PAN3: variants seen among roughly 807,000 people sequenced by gnomAD.
PAN3 encodes the protein PAN2-PAN3 deadenylation complex subunit PAN3.
A neutral mutation model predicts 96.2 loss-of-function variants in PAN3; 19 were observed. The observed-to-expected ratio is 0.20, with a 90% confidence interval of 0.14 to 0.29. The LOEUF (loss-of-function observed/expected upper bound fraction) is 0.29, where lower values mean the gene tolerates loss of function less well. Ranked by LOEUF, PAN3 falls within the 10% of genes least tolerant of loss-of-function variation. The probability of loss-of-function intolerance (pLI) is 1.00; values close to 1 mark genes in which losing one functional copy is unlikely to be tolerated. For synonymous variants in PAN3, 433 were observed against 406.6 expected, an observed-to-expected ratio of 1.06 and a Z score of -0.78; for missense variants, 882 against 1,108.1, an observed-to-expected ratio of 0.80 and a Z score of 2.90.
At position 28,138,618 on chromosome 13, in the gene PAN3, C is replaced by T; in HGVS notation, c.-40C>T. The T allele has an allele frequency of 2.0e-6, 1 of 495,172 alleles. No homozygotes were observed. Among genetic ancestry groups the T allele is most frequent in the South Asian group, 3.7e-5 (1 of 26,754 alleles). The allele number at this position is 495,172 out of a possible 1,614,324, so 30.7% of individuals were successfully genotyped here. ...CCGTCTATGGTGGTGGCGGCGGCGG[C>T]TCCTCGGGCGGCGGCGGAAGACGAG... On this transcript the variant is annotated 5_prime_UTR_variant, in exon 1 of 19. Coordinates refer to ENST00000380958, the MANE Select transcript of PAN3 (RefSeq NM_175854.8).
chr13:28,204,857 A>G (rs956592027), intron 5 of PAN3, among the ~76,000 whole-genome samples: 4 of 152,186 alleles, frequency 2.6e-5, no homozygotes, highest in Admixed American at 6.5e-5. Context: ...TTATAATATT[A>G]CTATTGTTTT....
chr13:28,286,500 T>A (rs1868987885), intron 17 of PAN3, among the ~76,000 whole-genome samples: 1 of 152,204 alleles, frequency 6.6e-6, no homozygotes. Context: ...TTAGTAGTCC[T>A]TTGTGGCTTC....
intron 17 of PAN3, among the ~76,000 whole-genome samples, chr13:28,282,237 C>T (rs1034907310): frequency 6.6e-6 from 1 of 151,926 alleles, no homozygotes; most frequent in South Asian, 2.1e-4. Context: ...ACAGGTAGAA[C>T]AGAATTTGCA....
intron 4 of PAN3, among the ~76,000 whole-genome samples, chr13:28,188,103 C>T (rs928024305): frequency 2.0e-5 from 3 of 152,212 alleles, no homozygotes; most frequent in Admixed American, 2.0e-4. Context: ...TCTTTTCAGA[C>T]ACTGCTTAAA....
In PAN3 at chr13:28,145,051, T is replaced by C. The variant is rs189911249; in HGVS notation, c.430+5964T>C. ...TCCTTTTATATGCCATTTTGAGGAA[T>C]TTTTCCCCCAATTTTAAATGAACTT... On this transcript the variant is annotated intron_variant, in intron 1 of 18. Coordinates refer to ENST00000380958, the MANE Select transcript of PAN3 (RefSeq NM_175854.8). 5.0e-3 allele frequency among the ~76,000 whole-genome samples: 766 copies of C among 152,188 alleles called. 5 individuals are homozygous for C. Among genetic ancestry groups the C allele is most frequent in the African/African-American group, 0.017 (722 of 41,534 alleles).
At chr13:28,181,535 A>G (rs1444589665) in intron 4 of PAN3, among the ~76,000 whole-genome samples, 6 of 151,564 alleles carry the variant, frequency 4.0e-5, no homozygotes, top group Non-Finnish European at 7.4e-5. Context: ...AAAAGGCCCA[A>G]AACAAAACAA....
intron 18 of PAN3, among the ~76,000 whole-genome samples, chr13:28,291,919 A>G (rs1183210958): frequency 6.6e-6 from 1 of 152,196 alleles, no homozygotes; most frequent in African/African-American, 2.4e-5. Context: ...CTATAAAACC[A>G]CTTCTACTTT....
intron 1 of PAN3, among the ~76,000 whole-genome samples, chr13:28,170,472 T>C (rs10161772): frequency 2.0e-5 from 3 of 152,132 alleles, no homozygotes; most frequent in Non-Finnish European, 4.4e-5. Context: ...ATTCTTGGCA[T>C]GTTCAATAAT....
chr13:28,233,593 T>G (rs1355300090), intron 6 of PAN3, among the ~76,000 whole-genome samples: 1 of 152,176 alleles, frequency 6.6e-6, no homozygotes, highest in Non-Finnish European at 1.5e-5. Context: ...CTTATTAGAA[T>G]TGTGGCTTAT....
Position 28,269,284 on chromosome 13 carries a change from A to C in PAN3, c.1793-1417A>C, listed in dbSNP as rs185169041. ...TCTTTTCCAGTAATTTTTTAATCAT[A>C]ATTATTCTGTTTTTGGTGTTCACTG... On this transcript the variant is annotated intron_variant, in intron 12 of 18. Transcript: ENST00000380958. 4.4e-3 allele frequency among the ~76,000 whole-genome samples: 667 copies of C among 152,126 alleles called. 9 individuals are homozygous for C. The highest frequency in any genetic ancestry group is 0.015 in the African/African-American group (634 of 41,506).
intron 1 of PAN3, among the ~76,000 whole-genome samples, chr13:28,146,230 A>C (rs2137938154): frequency 6.6e-6 from 1 of 152,004 alleles, no homozygotes; most frequent in East Asian, 1.9e-4. Context: ...ATAGACATAT[A>C]TCTAGTATAT....
At chr13:28,168,179 A>G (rs1039283814) in intron 1 of PAN3, among the ~76,000 whole-genome samples, 1 of 152,218 alleles carries the variant, frequency 6.6e-6, no homozygotes, top group Non-Finnish European at 1.5e-5. Flanking sequence ...AGTATACCTT[A>G]TTTGAAATAC....
intron 5 of PAN3, among the ~76,000 whole-genome samples, chr13:28,217,587 C>CA (rs773189003): frequency 0.19 from 20,499 of 108,128 alleles, 2,338 homozygotes; most frequent in African/African-American, 0.45. Flanking sequence ...TCTCAAAAAA[C>CA]AAAAAAAAAA....
At chr13:28,163,467 A>G (rs1566148805) in intron 1 of PAN3, among the ~76,000 whole-genome samples, 1 of 152,240 alleles carries the variant, frequency 6.6e-6, no homozygotes, top group African/African-American at 2.4e-5. Context: ...GGCACTTTAC[A>G]TAGATTATTT....
chr13:28,187,106 A>G (rs1876579423), intron 4 of PAN3, among the ~76,000 whole-genome samples: 1 of 151,770 alleles, frequency 6.6e-6, no homozygotes, highest in Non-Finnish European at 1.5e-5. Context: ...GTGGGTGGAT[A>G]ACTCGAGTCC....
chr13:28,147,290 C>G (rs1232441538), intron 1 of PAN3, among the ~76,000 whole-genome samples: 1 of 152,186 alleles, frequency 6.6e-6, no homozygotes, highest in African/African-American at 2.4e-5. Context: ...TAGCCCCATC[C>G]ATAAGTCTAA....
At chr13:28,223,094 AG>A (rs570261400) in intron 6 of PAN3, among the ~76,000 whole-genome samples, 135 of 152,356 alleles carry the variant, frequency 8.9e-4, no homozygotes, top group African/African-American at 3.1e-3. Context: ...CCTGGCACAA[AG>A]GAGACCCTGA....
chr13:28,170,811 T>C (rs1171287363), intron 1 of PAN3, among the ~76,000 whole-genome samples: 2 of 152,198 alleles, frequency 1.3e-5, no homozygotes, highest in Non-Finnish European at 2.9e-5. Flanking sequence ...TTCATTTTTT[T>C]TTGAAATGGA....
intron 18 of PAN3, among the ~76,000 whole-genome samples, chr13:28,288,577 C>T (rs1014948146): frequency 4.6e-5 from 7 of 152,168 alleles, no homozygotes; most frequent in Non-Finnish European, 7.3e-5. Context: ...TAGGCGTGAG[C>T]CACTGCGCCT....
Sources: gnomAD v4.1 joint callset for allele counts (sites outside exome capture counted in the v4.1 genomes callset) on GRCh38, gnomAD v4.1.1 for gene constraint, MANE v1.5 for transcripts, NCBI Gene and HGNC (gene_info 2026-07-23, HGNC 2026-07-21) for gene names.